Variants in TTBK2 observed in about 807,000 individuals in gnomAD.
TTBK2 encodes the protein tau-tubulin kinase 2.
TTBK2 carries 28 observed loss-of-function variants against 110.8 expected under a neutral mutation model. That is an observed-to-expected ratio of 0.25 (90% CI 0.19 to 0.35). The LOEUF (loss-of-function observed/expected upper bound fraction) is 0.35, where lower values mean the gene tolerates loss of function less well. Ranked by LOEUF, TTBK2 falls within the 10% of genes least tolerant of loss-of-function variation. The pLI, the probability that TTBK2 is intolerant of heterozygous loss-of-function variation, is 1.00. For missense variants in TTBK2, 1,369 were observed against 1,500.3 expected, an observed-to-expected ratio of 0.91 and a Z score of 1.45; for synonymous variants, 532 against 527.3, an observed-to-expected ratio of 1.01 and a Z score of -0.12.
intron 1 of TTBK2, among the ~76,000 whole-genome samples, chr15:42,895,262 A>G (rs34474101): frequency 0.1 from 15,486 of 152,240 alleles, 1,100 homozygotes; most frequent in South Asian, 0.21. Context: ...GTCTTACTGT[A>G]TAAAGCTACA....
rs766186246 is a variant in TTBK2, at chr15:42,801,276, A to G, written c.823-6475T>C. The G allele has an allele frequency of 5.1e-5, 79 of 1,542,850 alleles. 2 individuals are homozygous for G. The highest frequency in any genetic ancestry group is 2.4e-4 in the Admixed American group (14 of 57,988). On this transcript the variant is annotated intron_variant, in intron 9 of 14. Transcript: ENST00000267890. ...GATCTTGATATCCAGGGCCAGCTTG[A>G]CGTTCATCAGCTCCTGGTACTCACG...
intron 4 of TTBK2, among the ~76,000 whole-genome samples, chr15:42,835,817 A>G (rs2141002607): frequency 6.6e-6 from 1 of 152,302 alleles, no homozygotes; most frequent in Non-Finnish European, 1.5e-5. Context: ...TTCGGGAGGG[A>G]CAGGAGAAAG....
At position 42,743,988 on chromosome 15, in the gene TTBK2, A is replaced by G. The variant is rs553258425; in HGVS notation, c.*1807T>C. 1 of 152,300 alleles carries G rather than the reference A, an allele frequency of 6.6e-6. No homozygotes were observed. The highest frequency in any genetic ancestry group is 1.9e-4 in the East Asian group (1 of 5,188). The allele number at this position is 152,300 out of a possible 1,614,324, so 9.4% of individuals were successfully genotyped here. On this transcript the variant is annotated 3_prime_UTR_variant, in exon 15 of 15. Transcript: ENST00000267890. ...TAAGGATATGTCTCTCTATATATTT[A>G]TAAATATTTATATAATTTACCATGA...
intron 13 of TTBK2, among the ~76,000 whole-genome samples, chr15:42,769,589 C>G (rs1321475301): frequency 6.7e-6 from 1 of 149,016 alleles, no homozygotes; most frequent in Non-Finnish European, 1.5e-5. Flanking sequence ...GAATGGCGAT[C>G]ATTAAAAAGT....
intron 1 of TTBK2, among the ~76,000 whole-genome samples, chr15:42,885,491 G>A (rs1051142005): frequency 7.2e-5 from 11 of 152,144 alleles, no homozygotes; most frequent in African/African-American, 9.7e-5. Context: ...CCAAAACTCC[G>A]GCACCAGTCA....
At chr15:42,919,095 G>A (rs1454393573) in intron 1 of TTBK2, among the ~76,000 whole-genome samples, 4 of 151,812 alleles carry the variant, frequency 2.6e-5, no homozygotes, top group Non-Finnish European at 5.9e-5. Context: ...TGTCCCCTTC[G>A]GTGTCTTGAT....
At chr15:42,913,798 A>G (rs1490095071) in intron 1 of TTBK2, among the ~76,000 whole-genome samples, 1 of 152,198 alleles carries the variant, frequency 6.6e-6, no homozygotes, top group African/African-American at 2.4e-5. Flanking sequence ...ACATGACCAG[A>G]TTGTTAAGGA....
intron 11 of TTBK2, among the ~76,000 whole-genome samples, chr15:42,779,408 C>CAAA (rs35452096): frequency 1.5e-4 from 15 of 102,192 alleles, no homozygotes; most frequent in African/African-American, 3.5e-4. Context: ...AACCCTGTCA[C>CAAA]AAAAAAAAAA....
intron 13 of TTBK2, among the ~76,000 whole-genome samples, chr15:42,766,116 G>A (rs1889360248): frequency 6.6e-6 from 1 of 152,080 alleles, no homozygotes; most frequent in South Asian, 2.1e-4. Context: ...GTTCCTGAAA[G>A]AAGCACTAAA....
At position 42,896,091 on chromosome 15, in the gene TTBK2, C is replaced by T. The variant is rs1415714926; in HGVS notation, c.-67-17407G>A. 2.6e-5 allele frequency among the ~76,000 whole-genome samples: 4 copies of T among 151,508 alleles called. No homozygotes were observed. In the East Asian group the frequency reaches 5.9e-4, roughly 22 times the overall value. The stretch of plus-strand genomic sequence containing the variant: ...CTGTAATCCCAACACTTTGGGAGGC[C>T]GAGGCCTCAAGTGGATAACCTGAGG... On this transcript the variant is annotated intron_variant, in intron 1 of 14. Transcript: ENST00000267890.
Position 42,741,742 on chromosome 15 carries a change from T to C in TTBK2, c.*4053A>G, listed in dbSNP as rs374431342. 6.6e-6 allele frequency: 1 copy of C among 152,234 alleles called. No individual in the cohort carries two copies. The highest frequency in any genetic ancestry group is 1.5e-5 in the Non-Finnish European group (1 of 68,042). The allele number at this position is 152,234 out of a possible 1,614,324, so 9.4% of individuals were successfully genotyped here. ...ATCTCCAAGACTAAATCTAGACTTA[T>C]CTGCAAATAAGTAAATTTTCAAACA... On this transcript the variant is annotated 3_prime_UTR_variant, in exon 15 of 15. Coordinates refer to ENST00000267890, the MANE Select transcript of TTBK2 (RefSeq NM_173500.4).
At chr15:42,879,764 A>T (rs1894964142) in intron 1 of TTBK2, among the ~76,000 whole-genome samples, 2 of 152,132 alleles carry the variant, frequency 1.3e-5, no homozygotes, top group African/African-American at 2.4e-5. Context: ...TGGGAGGCTA[A>T]GGCAAGAGGG....
At chr15:42,800,516 T>C (rs1567031131) in intron 9 of TTBK2, among the ~76,000 whole-genome samples, 1 of 152,240 alleles carries the variant, frequency 6.6e-6, no homozygotes, top group Non-Finnish European at 1.5e-5. Flanking sequence ...GAATTATTTG[T>C]AAGGTGATAT....
chr15:42,900,166 T>G (rs1297324008), intron 1 of TTBK2, among the ~76,000 whole-genome samples: 1 of 151,486 alleles, frequency 6.6e-6, no homozygotes, highest in Non-Finnish European at 1.5e-5. Context: ...CCAATTTTTG[T>G]GTTTTTGGTC....
At chr15:42,822,875 G>A (rs2140965755) in intron 6 of TTBK2, among the ~76,000 whole-genome samples, 1 of 152,270 alleles carries the variant, frequency 6.6e-6, no homozygotes. Context: ...GAAGCAGTGT[G>A]AATGTAAAGG....
At chr15:42,786,518 C>T (rs1208971467) in intron 10 of TTBK2, among the ~76,000 whole-genome samples, 1 of 152,104 alleles carries the variant, frequency 6.6e-6, no homozygotes, top group Admixed American at 6.6e-5. Context: ...TTTCAAGTCC[C>T]TTTTTCCCTT....
chr15:42,879,028 T>C (rs1204474942), intron 1 of TTBK2, among the ~76,000 whole-genome samples: 7 of 152,218 alleles, frequency 4.6e-5, no homozygotes, highest in African/African-American at 1.2e-4. Context: ...TGAAAAGACA[T>C]AGTACCTAAT....
At chr15:42,764,286 C>G (rs1889248783) in intron 13 of TTBK2, among the ~76,000 whole-genome samples, 1 of 152,216 alleles carries the variant, frequency 6.6e-6, no homozygotes, top group African/African-American at 2.4e-5. Flanking sequence ...GGAGGGCAAG[C>G]TGAAGCAGGG....
intron 3 of TTBK2, among the ~76,000 whole-genome samples, chr15:42,845,881 G>T (rs1187550567): frequency 3.3e-5 from 5 of 152,004 alleles, no homozygotes; most frequent in Non-Finnish European, 5.9e-5. Flanking sequence ...AACCTGTATG[G>T]CATGTTACTG....
Sources: allele counts gnomAD v4.1 joint callset (sites outside exome capture counted in the v4.1 genomes callset), GRCh38; gene constraint gnomAD v4.1.1; transcripts MANE v1.5; gene names NCBI Gene and HGNC (gene_info 2026-07-23, HGNC 2026-07-21).